Variants in TRIO observed in about 807,000 individuals in gnomAD.
TRIO encodes the protein trio Rho guanine nucleotide exchange factor.
TRIO carries 58 observed loss-of-function variants against 351.9 expected under a neutral mutation model. The observed-to-expected ratio is 0.16, with a 90% CI of 0.13 to 0.21. The LOEUF (loss-of-function observed/expected upper bound fraction) is 0.21, where lower values mean the gene tolerates loss of function less well. Among genes scored for constraint, TRIO ranks in the 10% least tolerant of loss-of-function variants. The probability of loss-of-function intolerance (pLI) is 1.00; values close to 1 mark genes in which losing one functional copy is unlikely to be tolerated. For missense variants in TRIO, 3,201 were observed against 4,027.8 expected (o/e 0.79, Z 5.56); for synonymous variants, 1,758 against 1,595.7 (o/e 1.10, Z -2.42).
At chr5:14,412,976 C>CATATA (rs58859538) in intron 33 of TRIO, among the ~76,000 whole-genome samples, 34,664 of 151,392 alleles carry the variant, frequency 0.23, 8,779 homozygotes, top group African/African-American at 0.64. Flanking sequence ...GTACTGCTCA[C>CATATA]ATATATTTAG....
chr5:14,268,144 GA>G (rs1427239251), intron 1 of TRIO, among the ~76,000 whole-genome samples: 1 of 152,204 alleles, frequency 6.6e-6, no homozygotes, highest in Non-Finnish European at 1.5e-5. Context: ...ACAGCTCTGA[GA>G]AATGAAAGGT....
At chr5:14,411,887 C>T (rs986467580) in intron 33 of TRIO, among the ~76,000 whole-genome samples, 1 of 152,096 alleles carries the variant, frequency 6.6e-6, no homozygotes, top group African/African-American at 2.4e-5. Context: ...GATTATTGTC[C>T]TGAGCCCCAC....
chr5:14,272,324 T>G (rs1457869334), intron 2 of TRIO, among the ~76,000 whole-genome samples: 3 of 152,222 alleles, frequency 2.0e-5, no homozygotes, highest in African/African-American at 7.2e-5. Context: ...CAACCCCTCT[T>G]GTGTTTCTGA....
chr5:14,214,850 C>T (rs1236426034), intron 1 of TRIO, among the ~76,000 whole-genome samples: 1 of 152,174 alleles, frequency 6.6e-6, no homozygotes, highest in Non-Finnish European at 1.5e-5. Context: ...GGTAATGAAA[C>T]ATCCTACCTT....
At chr5:14,218,067 G>C (rs1007939281) in intron 1 of TRIO, among the ~76,000 whole-genome samples, 3 of 152,098 alleles carry the variant, frequency 2.0e-5, no homozygotes, top group African/African-American at 4.8e-5. Flanking sequence ...GTGTGTGTTG[G>C]GGGGAGAGTC....
chr5:14,427,675 G>T (rs1750764551), intron 34 of TRIO, among the ~76,000 whole-genome samples: 2 of 152,156 alleles, frequency 1.3e-5, no homozygotes, highest in Admixed American at 1.3e-4. Flanking sequence ...TTCTCACCGG[G>T]GCAGTCACGT....
intron 2 of TRIO, among the ~76,000 whole-genome samples, chr5:14,271,418 G>T (rs910370608): frequency 6.6e-6 from 1 of 152,152 alleles, no homozygotes; most frequent in Non-Finnish European, 1.5e-5. Context: ...GATTTTACCA[G>T]CTGAGTCTGT....
chr5:14,210,927 C>CT (rs148399673), intron 1 of TRIO, among the ~76,000 whole-genome samples: 8,532 of 152,138 alleles, frequency 0.056, 781 homozygotes, highest in African/African-American at 0.2. Flanking sequence ...TCTCTGTCCT[C>CT]TTTCTCCCTT....
At chr5:14,168,831 A>G (rs1166998967) in intron 1 of TRIO, among the ~76,000 whole-genome samples, 1 of 152,206 alleles carries the variant, frequency 6.6e-6, no homozygotes, top group African/African-American at 2.4e-5. Flanking sequence ...GCTTTTTGGA[A>G]AAAGTGTTGA....
intron 1 of TRIO, among the ~76,000 whole-genome samples, chr5:14,154,955 G>C (rs954596989): frequency 6.6e-6 from 1 of 152,158 alleles, no homozygotes; most frequent in Non-Finnish European, 1.5e-5. Flanking sequence ...AAGACCCTGG[G>C]TTGCTTTTGA....
chr5:14,147,368 C>T (rs1259931686), intron 1 of TRIO, among the ~76,000 whole-genome samples: 2 of 152,136 alleles, frequency 1.3e-5, no homozygotes, highest in African/African-American at 4.8e-5. Flanking sequence ...TGGGACCAAT[C>T]ATTTTTATTG....
At chr5:14,459,955 G>A (rs764739504) in intron 34 of TRIO, among the ~76,000 whole-genome samples, 3 of 151,170 alleles carry the variant, frequency 2.0e-5, no homozygotes, top group South Asian at 2.1e-4. Flanking sequence ...TCGCTCTGTC[G>A]TTCCGGCTGG....
chr5:14,390,495 G>A (rs907129655), intron 26 of TRIO, 195 bp downstream of exon 26: 24 of 602,858 alleles, frequency 4.0e-5, no homozygotes, highest in African/African-American at 3.0e-4. Flanking sequence ...ATTGGCCCTG[G>A]TGATGGTTTG....
chr5:14,156,416 C>T (rs72740391), intron 1 of TRIO, among the ~76,000 whole-genome samples: 12,204 of 152,012 alleles, frequency 0.08, 559 homozygotes, highest in Middle Eastern at 0.16. Flanking sequence ...GAAGTGTATG[C>T]GTGTATGTGT....
chr5:14,357,182 T>A (rs1743689337), intron 11 of TRIO, among the ~76,000 whole-genome samples: 1 of 152,238 alleles, frequency 6.6e-6, no homozygotes, highest in African/African-American at 2.4e-5. Context: ...CAGTTTTGAC[T>A]TATGAGTCTT....
Position 14,509,340 on chromosome 5 carries a change from AGAAAAAGCACAT to A in TRIO, c.*919_*930del, listed in dbSNP as rs1443435132. 2.3e-6 allele frequency: 1 copy of A among 437,828 alleles called. No individual in the cohort carries two copies. Among genetic ancestry groups the A allele is most frequent in the Non-Finnish European group, 4.5e-6 (1 of 221,858 alleles). 27.1% of individuals were successfully genotyped at this position (437,828 alleles called of 1,614,324 possible). A position where few individuals can be genotyped will look rare whatever the true frequency, so the allele number is the denominator to read the frequency against. On this transcript the variant is annotated 3_prime_UTR_variant, in exon 57 of 57. Coordinates refer to ENST00000344204, the MANE Select transcript of TRIO (RefSeq NM_007118.4). ...TCTGTTGTACCTGTAATAAATATAT[AGAAAAAGCACAT>A]ACTTCGTATGGTGAGCTTTATGGTT...
chr5:14,236,162 A>G (rs11950833), intron 1 of TRIO, among the ~76,000 whole-genome samples: 9 of 152,186 alleles, frequency 5.9e-5, no homozygotes, highest in African/African-American at 2.2e-4. Flanking sequence ...AGGATGCAGT[A>G]AAATAAAGCC....
chr5:14,337,046 T>A (rs988183443), intron 11 of TRIO, among the ~76,000 whole-genome samples: 35 of 152,318 alleles, frequency 2.3e-4, no homozygotes, highest in African/African-American at 8.4e-4. Context: ...TTGGGTCTCC[T>A]TCCTGGCTGT....
intron 28 of TRIO, among the ~76,000 whole-genome samples, chr5:14,394,547 G>A (rs568463683): frequency 6.6e-6 from 1 of 152,222 alleles, no homozygotes; most frequent in East Asian, 1.9e-4. Context: ...ACTCAAACAC[G>A]TTAACAGGCT....
Sources: gnomAD v4.1 joint callset for allele counts (sites outside exome capture counted in the v4.1 genomes callset) on GRCh38, gnomAD v4.1.1 for gene constraint, MANE v1.5 for transcripts, NCBI Gene and HGNC (gene_info 2026-07-23, HGNC 2026-07-21) for gene names.